The following PLEKHA7 variants were observed in gnomAD, a reference collection of about 807,000 sequenced individuals.
PLEKHA7 encodes the protein pleckstrin homology domain containing A7.
Under a neutral mutation model 170.0 loss-of-function variants are expected in PLEKHA7, and 104 were observed. That is an observed-to-expected ratio of 0.61 (90% CI 0.52 to 0.72). PLEKHA7 has a LOEUF of 0.72. Among genes scored for constraint, PLEKHA7 ranks in the 30% least tolerant of loss-of-function variants. The pLI, the probability that PLEKHA7 is intolerant of heterozygous loss-of-function variation, is 0.00. For missense variants in PLEKHA7, 1,615 were observed against 1,671.7 expected, an observed-to-expected ratio of 0.97 and a Z score of 0.59; for synonymous variants, 648 against 660.8, an observed-to-expected ratio of 0.98 and a Z score of 0.30.
intron 3 of PLEKHA7, among the ~76,000 whole-genome samples, chr11:16,905,630 A>C (rs1466303703): frequency 6.6e-6 from 1 of 152,160 alleles, no homozygotes; most frequent in East Asian, 1.9e-4. Context: ...GAAGGTGAAA[A>C]GCTGGGTAAG....
At chr11:16,937,472 T>C (rs758780280) in intron 3 of PLEKHA7, among the ~76,000 whole-genome samples, 1 of 152,026 alleles carries the variant, frequency 6.6e-6, no homozygotes, top group African/African-American at 2.4e-5. Context: ...AATTGAGAAA[T>C]TGGCCCAGTC....
chr11:16,832,240 T>G (rs1851176076), intron 9 of PLEKHA7, among the ~76,000 whole-genome samples: 1 of 152,184 alleles, frequency 6.6e-6, no homozygotes, highest in South Asian at 2.1e-4. Context: ...GGGAGAAAAC[T>G]AAAATCCAAT....
rs1847699458 is a variant in PLEKHA7, at chr11:16,789,719, C to T, written c.3156+56G>A. 6.8e-7 allele frequency: 1 copy of T among 1,466,326 alleles called. No homozygotes were observed. Among genetic ancestry groups the T allele is most frequent in the Non-Finnish European group, 9.5e-7 (1 of 1,053,188 alleles). 90.8% of individuals were successfully genotyped at this position (1,466,326 alleles called of 1,614,324 possible). On this transcript the variant is annotated intron_variant, in intron 22 of 26. Transcript: ENST00000531066. This position sits in a 1 kb window ranked among gnomAD's most constrained non-coding sequence, Gnocchi z 4.6. ...GGCCAGTTACTGTCCCCCTGGGAGACCCTCCCTCCCCATGTGAAGGAGCAG... is the reference window on the plus strand; with the variant it reads ...GGCCAGTTACTGTCCCCCTGGGAGATCCTCCCTCCCCATGTGAAGGAGCAG...
intron 24 of PLEKHA7, among the ~76,000 whole-genome samples, chr11:16,784,132 G>A (rs1015768241): frequency 2.6e-5 from 4 of 152,136 alleles, no homozygotes; most frequent in South Asian, 2.1e-4. Flanking sequence ...TAATGCCACC[G>A]TCAAGGCCCT....
chr11:16,801,577 G>A (rs990205354), intron 16 of PLEKHA7, 91 bp downstream of exon 16: 2 of 1,504,698 alleles, frequency 1.3e-6, no homozygotes, highest in African/African-American at 2.8e-5. Context: ...CTTGCCTCTG[G>A]ACACCAACTC....
intron 16 of PLEKHA7, 131 bp from the exon 17 acceptor site, chr11:16,801,206 G>C (rs1402988076): frequency 1.3e-6 from 1 of 770,296 alleles, no homozygotes; most frequent in African/African-American, 1.7e-5. Context: ...AGGCCTGGTG[G>C]GAGAGAGAGA....
rs1487133752 is a variant in PLEKHA7 at position 16,783,806 on chromosome 11, G to T, written c.3544C>A (p.Pro1182Thr). Residue 1182 changes from proline to threonine, a missense_variant, in exon 25 of 27, where the codon CCT becomes ACT. By Grantham distance (38) the Pro-to-Thr change is conservative. Transcript: ENST00000531066. The part of the protein sequence containing the change: ...ELSKPEKVSI[P>T]ERYVELDPEE... ...GGATCTAGCTCCACGTAGCGCTCAG[G>T]GATTGACACCTTCTCTGGTTTGGAC... is the stretch of plus-strand genomic sequence containing the variant. The T allele has an allele frequency of 2.7e-6, 4 of 1,507,912 alleles. No individual in the cohort carries two copies. The highest frequency in any genetic ancestry group is 2.1e-5 in the Admixed American group (1 of 46,864). The allele number at this position is 1,507,912 out of a possible 1,614,324, so 93.4% of individuals were successfully genotyped here.
At chr11:16,934,612 A>G (rs1446585472) in intron 3 of PLEKHA7, among the ~76,000 whole-genome samples, 1 of 152,206 alleles carries the variant, frequency 6.6e-6, no homozygotes, top group African/African-American at 2.4e-5. Context: ...CCTTAGGCTT[A>G]ATCTCCTAAT....
chr11:16,867,385 T>C (rs1854479371), intron 4 of PLEKHA7, among the ~76,000 whole-genome samples: 1 of 151,924 alleles, frequency 6.6e-6, no homozygotes, highest in Non-Finnish European at 1.5e-5. Context: ...AACTGGGGAG[T>C]GGAGGCTCTG....
intron 10 of PLEKHA7, among the ~76,000 whole-genome samples, chr11:16,821,640 A>G (rs552751664): frequency 3.3e-5 from 5 of 152,204 alleles, no homozygotes; most frequent in African/African-American, 1.2e-4. Flanking sequence ...TATATTTTCA[A>G]ATGGAAAATG....
intron 3 of PLEKHA7, among the ~76,000 whole-genome samples, chr11:16,918,487 G>A (rs1256764274): frequency 6.6e-6 from 1 of 152,162 alleles, no homozygotes; most frequent in African/African-American, 2.4e-5. Context: ...CTGTAACCTT[G>A]AGCTTGTTAA....
rs184683160 is a variant in PLEKHA7 at position 16,846,079 on chromosome 11, G to C, written c.697-4357C>G. Among the ~76,000 whole-genome samples, 12 of 152,250 alleles carry C rather than the reference G, an allele frequency of 7.9e-5. No individual in the cohort carries two copies. The East Asian group carries it at 1.9e-3, about 25-fold the overall frequency. The stretch of plus-strand genomic sequence containing the variant: ...GCGGGTGGGTCACCTGAGCTCAGGA[G>C]TTTGAGACAAGCCTGGCCAACATGG... On this transcript the variant is annotated intron_variant, in intron 8 of 26. Transcript: ENST00000531066.
At chr11:16,800,860 G>C in intron 17 of PLEKHA7, 114 bp downstream of exon 17, 1 of 856,732 alleles carries the variant, frequency 1.2e-6, no homozygotes, top group East Asian at 2.4e-5. Context: ...GGGGCTGAGG[G>C]GGAGAAGGAC....
intron 3 of PLEKHA7, among the ~76,000 whole-genome samples, chr11:16,925,152 C>T (rs187239472): frequency 2.6e-5 from 4 of 152,376 alleles, no homozygotes; most frequent in Admixed American, 2.6e-4. Context: ...GCTGTCCCCG[C>T]AGCCCGCACG....
At chr11:17,014,251 C>A in intron 1 of PLEKHA7, 50 bp from the exon 2 acceptor site, 1 of 1,397,592 alleles carries the variant, frequency 7.2e-7, no homozygotes, top group Non-Finnish European at 9.3e-7. Context: ...CCGCCGGGTG[C>A]CCGCCCGGCC....
At chr11:16,970,069 C>T (rs1862616985) in intron 3 of PLEKHA7, among the ~76,000 whole-genome samples, 1 of 152,182 alleles carries the variant, frequency 6.6e-6, no homozygotes, top group Non-Finnish European at 1.5e-5. Flanking sequence ...TCTTCAAACA[C>T]TTAAAAGGTG....
intron 3 of PLEKHA7, among the ~76,000 whole-genome samples, chr11:16,985,000 G>A (rs556659098): frequency 2.6e-4 from 39 of 152,212 alleles, no homozygotes; most frequent in Admixed American, 5.9e-4. Context: ...CTCTGTGATG[G>A]CATCTTCTTT....
chr11:16,966,634 C>T (rs2136669602), intron 3 of PLEKHA7, among the ~76,000 whole-genome samples: 2 of 152,212 alleles, frequency 1.3e-5, no homozygotes, highest in Admixed American at 1.3e-4. Context: ...GTAACACACA[C>T]CACTCAGAAT....
chr11:16,795,183 G>A (rs1170141093), intron 17 of PLEKHA7, 165 bp from the exon 18 acceptor site: 7 of 593,292 alleles, frequency 1.2e-5, no homozygotes, highest in Non-Finnish European at 1.8e-5. Flanking sequence ...TTCTAGGTAA[G>A]CATAGACAAG....
Sources: allele counts gnomAD v4.1 joint callset (sites outside exome capture counted in the v4.1 genomes callset), GRCh38; gene constraint gnomAD v4.1.1; non-coding constraint Gnocchi (gnomAD v3.1); transcripts MANE v1.5; gene names NCBI Gene and HGNC (gene_info 2026-07-23, HGNC 2026-07-21).